Variants in SLX4IP observed in about 807,000 individuals in gnomAD.
SLX4IP encodes the protein SLX4 interacting protein, also known as protein SLX4IP.
A neutral mutation model predicts 32.9 loss-of-function variants in SLX4IP; 34 were observed. The observed-to-expected ratio is 1.03, with a 90% CI of 0.79 to 1.38. The LOEUF is 1.38. Ranked by LOEUF, SLX4IP falls within the 40% of genes most tolerant of loss-of-function variation. The pLI is 0.00. For synonymous variants in SLX4IP, 172 were observed against 171.7 expected, an observed-to-expected ratio of 1.00 and a Z score of -0.01; for missense variants, 444 against 479.0, an observed-to-expected ratio of 0.93 and a Z score of 0.68.
intron 1 of SLX4IP, among the ~76,000 whole-genome samples, chr20:10,454,868 A>G (rs941792713): frequency 2.6e-5 from 4 of 152,214 alleles, no homozygotes; most frequent in African/African-American, 9.6e-5. Context: ...CCATCAATGT[A>G]TGAGAGTTCC....
At chr20:10,444,560 T>G (rs1324272900) in intron 1 of SLX4IP, among the ~76,000 whole-genome samples, 1 of 152,088 alleles carries the variant, frequency 6.6e-6, no homozygotes, top group Non-Finnish European at 1.5e-5. Context: ...GTATTTTTAG[T>G]AGAGGTGGGG....
chr20:10,609,347 C>T (rs1318258489), intron 6 of SLX4IP, among the ~76,000 whole-genome samples: 7 of 152,206 alleles, frequency 4.6e-5, no homozygotes, highest in Admixed American at 3.9e-4. Flanking sequence ...GATACAGTGT[C>T]ATAACGGGAT....
intron 3 of SLX4IP, among the ~76,000 whole-genome samples, chr20:10,559,954 T>C (rs1320270486): frequency 6.6e-6 from 1 of 152,238 alleles, no homozygotes; most frequent in Non-Finnish European, 1.5e-5. Context: ...CTTAACTCAC[T>C]GCTCAACAGT....
At chr20:10,618,123 A>G (rs537746882) in intron 6 of SLX4IP, among the ~76,000 whole-genome samples, 1 of 152,290 alleles carries the variant, frequency 6.6e-6, no homozygotes, top group East Asian at 1.9e-4. Context: ...GTCATACTCA[A>G]ACATTCATCT....
At chr20:10,620,968 G>A (rs899345770) in intron 6 of SLX4IP, among the ~76,000 whole-genome samples, 20 of 152,210 alleles carry the variant, frequency 1.3e-4, no homozygotes, top group African/African-American at 4.3e-4. Context: ...TCACAGGCAC[G>A]TTGCCCCACA....
At chr20:10,593,552 T>C (rs1007622726) in intron 4 of SLX4IP, among the ~76,000 whole-genome samples, 1 of 152,042 alleles carries the variant, frequency 6.6e-6, no homozygotes, top group Non-Finnish European at 1.5e-5. Context: ...CTTGGCAACA[T>C]AGGGGGACCA....
At chr20:10,490,351 T>A (rs2065612308) in intron 2 of SLX4IP, among the ~76,000 whole-genome samples, 1 of 152,196 alleles carries the variant, frequency 6.6e-6, no homozygotes, top group African/African-American at 2.4e-5. Context: ...TTCTGTCTCC[T>A]CAGTGGCTTA....
chr20:10,618,898 A>T (rs2067071054), intron 6 of SLX4IP, among the ~76,000 whole-genome samples: 1 of 118,784 alleles, frequency 8.4e-6, no homozygotes, highest in African/African-American at 3.2e-5. Flanking sequence ...TTCCCAGGTG[A>T]TAGCTGCTTC....
intron 2 of SLX4IP, among the ~76,000 whole-genome samples, chr20:10,535,721 C>T (rs13043358): frequency 0.12 from 18,941 of 152,212 alleles, 1,245 homozygotes; most frequent in South Asian, 0.23. Context: ...AATAATGGAA[C>T]TACCTGTGTT....
rs753726534 is a variant in SLX4IP at position 10,556,295 on chromosome 20, G to T, written c.92G>T (p.Ser31Ile). ...CCACAAGGTTCAAACAAAGATACAAGCTGGTTTTCTGAACAGAAGAAAGAG... is the reference window on the plus strand; with the variant it reads ...CCACAAGGTTCAAACAAAGATACAATCTGGTTTTCTGAACAGAAGAAAGAG... ...ILPQGSNKDT[S>I]WFSEQKKEEV... Residue 31 changes from serine to isoleucine, a missense_variant, in exon 3 of 8, where the codon AGC becomes ATC. Ser to Ile is a moderately radical substitution (Grantham distance 142). Coordinates refer to ENST00000334534, the MANE Select transcript of SLX4IP (RefSeq NM_001009608.3). The T allele has an allele frequency of 6.2e-7, 1 of 1,613,354 alleles. No individual in the cohort carries two copies. Among genetic ancestry groups the T allele is most frequent in the Non-Finnish European group, 8.5e-7 (1 of 1,179,784 alleles).
chr20:10,471,537 A>G (rs2065425154), intron 2 of SLX4IP, among the ~76,000 whole-genome samples: 1 of 152,186 alleles, frequency 6.6e-6, no homozygotes, highest in African/African-American at 2.4e-5. Context: ...TGGGTGCACT[A>G]TTTGTTAATC....
chr20:10,559,127 T>TTA (rs1555815346), intron 3 of SLX4IP, among the ~76,000 whole-genome samples: 1 of 146,434 alleles, frequency 6.8e-6, no homozygotes, highest in Admixed American at 6.8e-5. Context: ...AATTGTTTTT[T>TTA]AAAAAAAAAA....
In SLX4IP at chr20:10,623,170, T is replaced by G; in HGVS notation, c.1018T>G (p.Ser340Ala). The change falls in exon 8 of 8, where the codon TCA (serine) becomes GCA (alanine). Residue 340 changes from serine to alanine, a missense_variant. By Grantham distance (99) the Ser-to-Ala change is moderately conservative. Coordinates refer to ENST00000334534, the MANE Select transcript of SLX4IP (RefSeq NM_001009608.3). ...AVRVLPASELSDPGLLLKQDL... is the reference protein window; with the variant it reads ...AVRVLPASELADPGLLLKQDL... ...CAGGGTTTTGCCAGCTTCAGAGTTG[T>G]CAGATCCAGGGTTACTTTTGAAACA... The G allele has an allele frequency of 1.2e-6, 2 of 1,614,202 alleles. No homozygotes were observed. Among genetic ancestry groups the G allele is most frequent in the Non-Finnish European group, 8.5e-7 (1 of 1,180,040 alleles).
intron 2 of SLX4IP, among the ~76,000 whole-genome samples, chr20:10,548,793 A>C (rs1018903843): frequency 6.6e-6 from 1 of 152,244 alleles, no homozygotes; most frequent in Non-Finnish European, 1.5e-5. Flanking sequence ...ATTAAATGCA[A>C]TAATGTACAG....
At chr20:10,558,759 T>C (rs2066298149) in intron 3 of SLX4IP, among the ~76,000 whole-genome samples, 1 of 152,180 alleles carries the variant, frequency 6.6e-6, no homozygotes, top group Non-Finnish European at 1.5e-5. Context: ...GAGCACTGAT[T>C]TTAACTTGTT....
rs186904224 is a variant in SLX4IP at position 10,612,358 on chromosome 20, C to T, written c.406-8956C>T. 1.1e-4 allele frequency among the ~76,000 whole-genome samples: 17 copies of T among 152,264 alleles called. No individual in the cohort carries two copies. In the East Asian group the frequency reaches 1.9e-3, roughly 17 times the overall value. ...GAACATGAGACCTTAGACTCCACTCCGTTTCACCTCTGTGCTGGGACTCGT... is the reference window on the plus strand; with the variant it reads ...GAACATGAGACCTTAGACTCCACTCTGTTTCACCTCTGTGCTGGGACTCGT... On this transcript the variant is annotated intron_variant, in intron 6 of 7. Transcript: ENST00000334534.
At chr20:10,549,158 C>A (rs1264317751) in intron 2 of SLX4IP, among the ~76,000 whole-genome samples, 1 of 152,126 alleles carries the variant, frequency 6.6e-6, no homozygotes, top group African/African-American at 2.4e-5. Flanking sequence ...TCTCTTCTAC[C>A]CTCACAGCTC....
chr20:10,458,479 C>A (rs2065307068), intron 2 of SLX4IP, among the ~76,000 whole-genome samples: 1 of 152,024 alleles, frequency 6.6e-6, no homozygotes, highest in Non-Finnish European at 1.5e-5. Context: ...GGTATTAAGC[C>A]CAGTGTCCAT....
In SLX4IP at chr20:10,615,631, G is replaced by A. The variant is rs1426103128; in HGVS notation, c.406-5683G>A. Among the ~76,000 whole-genome samples, 7 of 152,138 alleles carry A rather than the reference G, an allele frequency of 4.6e-5. No individual in the cohort carries two copies. The East Asian group carries it at 1.4e-3, about 29-fold the overall frequency. ...TCAGCACCTCCATTTAGATATCCAG[G>A]AGGACCCTTACATCATCTTAGTCCA... On this transcript the variant is annotated intron_variant, in intron 6 of 7. Coordinates refer to ENST00000334534, the MANE Select transcript of SLX4IP (RefSeq NM_001009608.3).
Sources: allele counts gnomAD v4.1 joint callset (sites outside exome capture counted in the v4.1 genomes callset), GRCh38; gene constraint gnomAD v4.1.1; transcripts MANE v1.5; gene names NCBI Gene and HGNC (gene_info 2026-07-23, HGNC 2026-07-21).